DACH1: variants seen among roughly 807,000 people sequenced by gnomAD.
DACH1 encodes the protein dachshund homolog 1.
DACH1 carries 12 observed loss-of-function variants against 54.2 expected under a neutral mutation model. The observed-to-expected ratio is 0.22, with a 90% CI of 0.14 to 0.36. DACH1 has a LOEUF of 0.36. Ranked by LOEUF, DACH1 falls within the 10% of genes least tolerant of loss-of-function variation. DACH1 has a pLI of 1.00. For synonymous variants in DACH1, 386 were observed against 366.2 expected (o/e 1.05, Z -0.62); for missense variants, 805 against 929.8 (o/e 0.87, Z 1.75).
At chr13:71,523,714 C>T (rs890083495) in intron 6 of DACH1, among the ~76,000 whole-genome samples, 3 of 152,006 alleles carry the variant, frequency 2.0e-5, no homozygotes, top group Non-Finnish European at 4.4e-5. Flanking sequence ...ATGAAAAGTT[C>T]CCCAATGTGT....
intron 1 of DACH1, among the ~76,000 whole-genome samples, chr13:71,774,103 T>C (rs193293173): frequency 4.6e-4 from 70 of 152,264 alleles, no homozygotes; most frequent in Admixed American, 8.5e-4. Context: ...TGGGTTAACA[T>C]TGCCCTGAAG....
chr13:71,603,390 T>C (rs1458702664), intron 3 of DACH1, among the ~76,000 whole-genome samples: 1 of 152,010 alleles, frequency 6.6e-6, no homozygotes, highest in East Asian at 1.9e-4. Context: ...CAAAGAAGTG[T>C]GCCTACACCA....
Position 71,832,100 on chromosome 13 carries a change from G to A in DACH1, c.848+33822C>T, listed in dbSNP as rs1276699289. Among the ~76,000 whole-genome samples the A allele has an allele frequency of 3.9e-5, 6 of 151,918 alleles. No individual in the cohort carries two copies. The East Asian group carries it at 9.6e-4, about 24-fold the overall frequency. ...TATTGTCTTTGAACGCATTTCTTGT[G>A]TTATTTCTATTGAGAAGCATTTGCG... On this transcript the variant is annotated intron_variant, in intron 1 of 10. Coordinates refer to ENST00000613252, the MANE Select transcript of DACH1 (RefSeq NM_080759.6).
intron 1 of DACH1, among the ~76,000 whole-genome samples, chr13:71,698,034 CAATT>C (rs1296217748): frequency 3.4e-4 from 51 of 151,848 alleles, no homozygotes; most frequent in Admixed American, 3.3e-3. Context: ...ATTTTTAAGA[CAATT>C]AATTCTGAAA....
intron 1 of DACH1, among the ~76,000 whole-genome samples, chr13:71,713,305 AG>A (rs1882816528): frequency 6.6e-6 from 1 of 152,150 alleles, no homozygotes; most frequent in African/African-American, 2.4e-5. Context: ...GGCAAAAGCA[AG>A]CTATTTCTAG....
chr13:71,819,275 T>C (rs1413857379), intron 1 of DACH1, among the ~76,000 whole-genome samples: 1 of 152,204 alleles, frequency 6.6e-6, no homozygotes, highest in Non-Finnish European at 1.5e-5. Context: ...CTCCTCCTGA[T>C]ATCCAGCTGG....
At chr13:71,645,322 G>A (rs911187827) in intron 2 of DACH1, among the ~76,000 whole-genome samples, 8 of 152,180 alleles carry the variant, frequency 5.3e-5, no homozygotes, top group African/African-American at 1.4e-4. Flanking sequence ...TTTCTAGAAC[G>A]AAACACTGTA....
intron 7 of DACH1, among the ~76,000 whole-genome samples, chr13:71,479,743 C>A (rs991164459): frequency 2.0e-5 from 3 of 152,144 alleles, no homozygotes; most frequent in Admixed American, 6.5e-5. Context: ...CCTTTCTCCT[C>A]AGAGCTCATT....
At chr13:71,677,186 A>C (rs1162918652) in intron 2 of DACH1, among the ~76,000 whole-genome samples, 2 of 152,242 alleles carry the variant, frequency 1.3e-5, no homozygotes, top group African/African-American at 2.4e-5. Context: ...TCTTATAAAA[A>C]GTATGAATGT....
At chr13:71,462,036 T>G (rs889122194) in intron 10 of DACH1, among the ~76,000 whole-genome samples, 1 of 152,028 alleles carries the variant, frequency 6.6e-6, no homozygotes, top group African/African-American at 2.4e-5. Context: ...CATCCAGCAC[T>G]CTTTCTCCCA....
At chr13:71,529,957 T>A (rs540428529) in intron 6 of DACH1, among the ~76,000 whole-genome samples, 1 of 152,334 alleles carries the variant, frequency 6.6e-6, no homozygotes, top group Admixed American at 6.5e-5. Context: ...TAAATAGATC[T>A]TTTTTGTCAA....
chr13:71,639,072 C>A (rs976851018), intron 2 of DACH1, among the ~76,000 whole-genome samples: 1 of 152,144 alleles, frequency 6.6e-6, no homozygotes, highest in African/African-American at 2.4e-5. Context: ...CACTCCAAGT[C>A]TTAGAAGAAC....
intron 1 of DACH1, among the ~76,000 whole-genome samples, chr13:71,725,195 G>T (rs560461354): frequency 6.6e-6 from 1 of 152,028 alleles, no homozygotes; most frequent in African/African-American, 2.4e-5. Context: ...GAATGTTAGC[G>T]TCAAAAAACC....
At chr13:71,573,742 G>T (rs1338616316) in intron 3 of DACH1, among the ~76,000 whole-genome samples, 2 of 151,994 alleles carry the variant, frequency 1.3e-5, no homozygotes, top group African/African-American at 4.8e-5. Context: ...CATTCTTTTT[G>T]ATTTTCTATT....
chr13:71,550,015 A>C (rs1883707365), intron 6 of DACH1, among the ~76,000 whole-genome samples: 1 of 152,104 alleles, frequency 6.6e-6, no homozygotes, highest in Admixed American at 6.6e-5. Flanking sequence ...TTCCTCCAAA[A>C]CTGTACACAT....
At chr13:71,637,722 T>G (rs2138587893) in intron 2 of DACH1, among the ~76,000 whole-genome samples, 1 of 152,270 alleles carries the variant, frequency 6.6e-6, no homozygotes, top group Non-Finnish European at 1.5e-5. Flanking sequence ...AAAACGGCCT[T>G]TAAATTCTTC....
At chr13:71,848,884 G>A (rs768266183) in intron 1 of DACH1, among the ~76,000 whole-genome samples, 19 of 151,962 alleles carry the variant, frequency 1.3e-4, no homozygotes, top group Non-Finnish European at 2.5e-4. Flanking sequence ...ATAACTAATC[G>A]CATTCCTATC....
chr13:71,562,325 G>A lies in DACH1; in HGVS notation c.1300-2370C>T, dbSNP rs565722764. ...TATTTTCCATCTCAAGTTATGTGGGGTTTCCACTTAAAATACTGCAAATAT... is the reference window on the plus strand; with the variant it reads ...TATTTTCCATCTCAAGTTATGTGGGATTTCCACTTAAAATACTGCAAATAT... On this transcript the variant is annotated intron_variant, in intron 4 of 10. Transcript: ENST00000613252. Among the ~76,000 whole-genome samples the A allele has an allele frequency of 7.1e-4, 108 of 152,190 alleles. 1 individual carries two copies. The South Asian group carries it at 0.022, about 32-fold the overall frequency.
At chr13:71,688,680 T>G (rs573236101) in intron 1 of DACH1, among the ~76,000 whole-genome samples, 1 of 152,140 alleles carries the variant, frequency 6.6e-6, no homozygotes, top group Non-Finnish European at 1.5e-5. Flanking sequence ...CTTACAAATA[T>G]CACCAGTGGA....
Sources: gnomAD v4.1 joint callset for allele counts (sites outside exome capture counted in the v4.1 genomes callset) on GRCh38, gnomAD v4.1.1 for gene constraint, MANE v1.5 for transcripts, NCBI Gene and HGNC (gene_info 2026-07-23, HGNC 2026-07-21) for gene names.